TRPC3: variants seen among roughly 807,000 people sequenced by gnomAD.
TRPC3 encodes short transient receptor potential channel 3.
A neutral mutation model predicts 90.9 loss-of-function variants in TRPC3; 54 were observed. The ratio of observed to expected loss-of-function variants is 0.59; its 90% CI spans 0.48 to 0.75. The LOEUF is 0.75. Among genes scored for constraint, TRPC3 ranks in the 30% least tolerant of loss-of-function variants. The pLI is 0.00. For missense variants in TRPC3, 918 were observed against 1,194.5 expected (o/e 0.77, Z 3.41); for synonymous variants, 424 against 450.9 (o/e 0.94, Z 0.75).
chr4:121,921,405 C>T (rs1050504349), intron 3 of TRPC3, among the ~76,000 whole-genome samples: 1 of 150,050 alleles, frequency 6.7e-6, no homozygotes. Flanking sequence ...GCCTGTAGTC[C>T]CAGCTACTTG....
At chr4:121,902,532 T>C (rs1050255418) in intron 9 of TRPC3, among the ~76,000 whole-genome samples, 3 of 152,188 alleles carry the variant, frequency 2.0e-5, no homozygotes, top group Admixed American at 1.3e-4. Context: ...AGAATAACAG[T>C]TGAGAAGCAT....
rs199965754 is a variant in TRPC3 at position 121,910,401 on chromosome 4, T to C, written c.1559-14A>G. ...ACCACATCATTCCTGTCACAACAAA[T>C]ACAGAGGGTGCAGGTCAGATTTTAC... On this transcript the variant is annotated splice_polypyrimidine_tract_variant and intron_variant, in intron 5 of 11. Transcript: ENST00000379645. 25 of 1,607,830 alleles carry C rather than the reference T, an allele frequency of 1.6e-5. No individual in the cohort carries two copies. Among genetic ancestry groups the C allele is most frequent in the Non-Finnish European group, 2.0e-5 (24 of 1,175,196 alleles).
At position 121,925,010 on chromosome 4, in the gene TRPC3, C is replaced by T; in HGVS notation, c.1176+8G>A. 1 of 1,606,484 alleles carries T rather than the reference C, an allele frequency of 6.2e-7. No homozygotes were observed. The highest frequency in any genetic ancestry group is 8.5e-7 in the Non-Finnish European group (1 of 1,176,270). Reference sequence around the variant, plus strand: ...AATATGGCACTAGATGAAAGTAGGCCCACTCACCTTTTTGACTTCATACTT... The same window carrying T: ...AATATGGCACTAGATGAAAGTAGGCTCACTCACCTTTTTGACTTCATACTT... On this transcript the variant is annotated splice_region_variant and intron_variant, in intron 3 of 11. Transcript: ENST00000379645.
At chr4:121,925,830 A>G (rs907058315) in intron 2 of TRPC3, among the ~76,000 whole-genome samples, 1 of 152,220 alleles carries the variant, frequency 6.6e-6, no homozygotes, top group Non-Finnish European at 1.5e-5. Context: ...TTATTTGTCA[A>G]TTAAAAACTT....
Position 121,951,121 on chromosome 4 carries a change from G to A in TRPC3, c.215+345C>T, listed in dbSNP as rs1730717431. On this transcript the variant is annotated intron_variant, in intron 1 of 11. Transcript: ENST00000379645. The surrounding 1 kb of genome is among the most constrained non-coding windows in gnomAD (Gnocchi z 4.4). ...TTCCAAGGGGTGCCCAGCCCTGGCAGCAGTCGTGCGAGCTCCTCGGCTCTA... is the reference window on the plus strand; with the variant it reads ...TTCCAAGGGGTGCCCAGCCCTGGCAACAGTCGTGCGAGCTCCTCGGCTCTA... Among the ~76,000 whole-genome samples, 1 of 152,216 alleles carries A rather than the reference G, an allele frequency of 6.6e-6. No homozygotes were observed. The highest frequency in any genetic ancestry group is 2.4e-5 in the African/African-American group (1 of 41,470).
chr4:121,934,007 A>C (rs117941790), intron 1 of TRPC3, among the ~76,000 whole-genome samples: 1 of 152,364 alleles, frequency 6.6e-6, no homozygotes, highest in East Asian at 1.9e-4. Context: ...AAAAATCACT[A>C]GAATTACTTT....
At chr4:121,905,675 T>G (rs897483547) in intron 7 of TRPC3, among the ~76,000 whole-genome samples, 1 of 152,140 alleles carries the variant, frequency 6.6e-6, no homozygotes, top group Non-Finnish European at 1.5e-5. Context: ...CGTTTTAAGT[T>G]TCTTATAACA....
At chr4:121,950,237 G>A (rs1454774174) in intron 1 of TRPC3, among the ~76,000 whole-genome samples, 1 of 152,164 alleles carries the variant, frequency 6.6e-6, no homozygotes. Flanking sequence ...GTGTTCTACC[G>A]GCAGGTCCAG....
intron 1 of TRPC3, among the ~76,000 whole-genome samples, chr4:121,945,026 C>T (rs1730437889): frequency 1.3e-5 from 2 of 152,106 alleles, no homozygotes; most frequent in Admixed American, 6.5e-5. Context: ...AGATGAAATC[C>T]TTTCAAATTC....
chr4:121,933,965 G>C (rs931535348), intron 1 of TRPC3, among the ~76,000 whole-genome samples: 18 of 152,134 alleles, frequency 1.2e-4, no homozygotes, highest in African/African-American at 3.4e-4. Context: ...TTTGCCTCTT[G>C]GAACTGAAAC....
At chr4:121,900,393 T>C (rs534972281) in intron 9 of TRPC3, among the ~76,000 whole-genome samples, 4 of 152,322 alleles carry the variant, frequency 2.6e-5, no homozygotes, top group African/African-American at 7.2e-5. Flanking sequence ...TTCAAACACA[T>C]GGCCCTCTAG....
At chr4:121,896,579 T>C (rs1304299049) in intron 10 of TRPC3, among the ~76,000 whole-genome samples, 1 of 151,854 alleles carries the variant, frequency 6.6e-6, no homozygotes, top group Non-Finnish European at 1.5e-5. Context: ...CAGGTATAAA[T>C]TAACCAAGGA....
chr4:121,883,709 T>A (rs1482194491), intron 10 of TRPC3, among the ~76,000 whole-genome samples: 1 of 152,178 alleles, frequency 6.6e-6, no homozygotes, highest in African/African-American at 2.4e-5. Flanking sequence ...GACAATTTAG[T>A]ACTATCTTTT....
At chr4:121,926,236 C>T (rs1396426184) in intron 2 of TRPC3, among the ~76,000 whole-genome samples, 2 of 152,340 alleles carry the variant, frequency 1.3e-5, no homozygotes, top group East Asian at 3.9e-4. Flanking sequence ...GCCTGTACAA[C>T]TTTGGACTGG....
chr4:121,899,245 T>C (rs1343827368), intron 10 of TRPC3, among the ~76,000 whole-genome samples: 1 of 152,176 alleles, frequency 6.6e-6, no homozygotes, highest in Non-Finnish European at 1.5e-5. Context: ...TTTCCTGCCA[T>C]GGGAGCATTA....
chr4:121,951,027 C>T lies in TRPC3; in HGVS notation c.215+439G>A, dbSNP rs1487131092. Among the ~76,000 whole-genome samples, 1 of 152,190 alleles carries T rather than the reference C, an allele frequency of 6.6e-6. No homozygotes were observed. Among genetic ancestry groups the T allele is most frequent in the Non-Finnish European group, 1.5e-5 (1 of 68,038 alleles). ...GGGAGGAGTTCAGGGTTCAAGTGCGCGCCTGGGTCTGTGCACATCTTCCCC... is the reference window on the plus strand; with the variant it reads ...GGGAGGAGTTCAGGGTTCAAGTGCGTGCCTGGGTCTGTGCACATCTTCCCC... On this transcript the variant is annotated intron_variant, in intron 1 of 11. Coordinates refer to ENST00000379645, the MANE Select transcript of TRPC3 (RefSeq NM_001130698.2). The surrounding 1 kb of genome is among the most constrained non-coding windows in gnomAD (Gnocchi z 4.4).
At chr4:121,908,812 G>A (rs1039816983) in intron 6 of TRPC3, among the ~76,000 whole-genome samples, 1 of 152,010 alleles carries the variant, frequency 6.6e-6, no homozygotes, top group African/African-American at 2.4e-5. Context: ...CTAAACCTCA[G>A]AATCATGCAA....
rs529916527 is a variant in TRPC3, at chr4:121,881,380, T to G, written c.2623+974A>C. Among the ~76,000 whole-genome samples the G allele has an allele frequency of 3.7e-4, 56 of 152,188 alleles. No individual in the cohort carries two copies. In the Middle Eastern group the frequency reaches 0.014, roughly 37 times the overall value. On this transcript the variant is annotated intron_variant, in intron 11 of 11. Coordinates refer to ENST00000379645, the MANE Select transcript of TRPC3 (RefSeq NM_001130698.2). ...GTTTTAGCCATACAGTTCTTCCCAC[T>G]TTGTTCCTCCCTCTCCACCCCCCAT...
At chr4:121,907,637 C>T in intron 6 of TRPC3, 70 bp from the exon 7 acceptor site, 1 of 1,504,700 alleles carries the variant, frequency 6.6e-7, no homozygotes, top group Non-Finnish European at 8.9e-7. Flanking sequence ...AAGCAAATAC[C>T]TTAAATAGGA....
Sources: gnomAD v4.1 joint callset for allele counts (sites outside exome capture counted in the v4.1 genomes callset) on GRCh38, gnomAD v4.1.1 for gene constraint, Gnocchi (gnomAD v3.1) non-coding constraint, MANE v1.5 for transcripts, NCBI Gene and HGNC (gene_info 2026-07-23, HGNC 2026-07-21) for gene names.